ADGRL3: variants seen among roughly 807,000 people sequenced by gnomAD.
ADGRL3 encodes the protein adhesion G protein-coupled receptor L3.
ADGRL3 carries 62 observed loss-of-function variants against 153.5 expected under a neutral mutation model. The observed-to-expected ratio is 0.40, with a 90% CI of 0.33 to 0.50. The LOEUF (loss-of-function observed/expected upper bound fraction) is 0.50. Among genes scored for constraint, ADGRL3 ranks in the 20% least tolerant of loss-of-function variants. The probability of loss-of-function intolerance (pLI) is 0.47; values close to 1 mark genes in which losing one functional copy is unlikely to be tolerated. For missense variants in ADGRL3, 1,641 were observed against 1,859.4 expected (o/e 0.88, Z 2.16); for synonymous variants, 710 against 672.5 (o/e 1.06, Z -0.86).
chr4:61,464,845 A>G (rs2097860926), intron 2 of ADGRL3, among the ~76,000 whole-genome samples: 1 of 152,204 alleles, frequency 6.6e-6, no homozygotes, highest in East Asian at 1.9e-4. Context: ...GCCTCTTCTC[A>G]GTCAATGGGT....
chr4:61,269,238 TTC>T (rs1276832389), intron 1 of ADGRL3, among the ~76,000 whole-genome samples: 1 of 151,706 alleles, frequency 6.6e-6, no homozygotes, highest in Non-Finnish European at 1.5e-5. Flanking sequence ...GACATTCTTT[TTC>T]TCTCTTTTTA....
chr4:62,044,055 A>G (rs1729773470), intron 24 of ADGRL3, among the ~76,000 whole-genome samples: 1 of 152,056 alleles, frequency 6.6e-6, no homozygotes, highest in Admixed American at 6.6e-5. Flanking sequence ...TGGCAATTTA[A>G]TGCATAGTTA....
At chr4:61,288,337 A>G (rs1475416185) in intron 1 of ADGRL3, among the ~76,000 whole-genome samples, 2 of 151,548 alleles carry the variant, frequency 1.3e-5, no homozygotes, top group Non-Finnish European at 2.9e-5. Flanking sequence ...TATTACTTCC[A>G]AAGTGGTCCC....
At chr4:61,640,493 T>C (rs2093615849) in intron 5 of ADGRL3, among the ~76,000 whole-genome samples, 1 of 152,202 alleles carries the variant, frequency 6.6e-6, no homozygotes, top group Non-Finnish European at 1.5e-5. Context: ...TTTCCCACTA[T>C]ATGATCTTGT....
chr4:61,406,256 C>T, intron 2 of ADGRL3, among the ~76,000 whole-genome samples: 1 of 151,794 alleles, frequency 6.6e-6, no homozygotes, highest in East Asian at 1.9e-4. Context: ...CAGGCTGAGA[C>T]CCAAGTGCCA....
intron 1 of ADGRL3, among the ~76,000 whole-genome samples, chr4:61,357,150 G>T (rs553451379): frequency 6.6e-6 from 1 of 151,916 alleles, no homozygotes; most frequent in Non-Finnish European, 1.5e-5. Flanking sequence ...ATGAACCATA[G>T]CCTTACTTTT....
At chr4:61,725,371 G>T (rs2096311347) in intron 6 of ADGRL3, among the ~76,000 whole-genome samples, 1 of 151,962 alleles carries the variant, frequency 6.6e-6, no homozygotes, top group Non-Finnish European at 1.5e-5. Context: ...CCAGCACTTT[G>T]GGAGGCTGAG....
At chr4:61,821,353 ATTTG>A (rs1247157319) in intron 9 of ADGRL3, among the ~76,000 whole-genome samples, 43 of 122,658 alleles carry the variant, frequency 3.5e-4, no homozygotes, top group Admixed American at 6.0e-4. Flanking sequence ...TTATTTATTT[ATTTG>A]TTTATTTATT....
intron 1 of ADGRL3, among the ~76,000 whole-genome samples, chr4:61,314,633 C>G (rs1183490058): frequency 6.6e-6 from 1 of 152,194 alleles, no homozygotes; most frequent in Admixed American, 6.5e-5. Context: ...AACACAGTTG[C>G]AGTTGATTCT....
At chr4:61,227,036 A>ATCATG in intron 1 of ADGRL3, among the ~76,000 whole-genome samples, 1 of 151,496 alleles carries the variant, frequency 6.6e-6, no homozygotes, top group Admixed American at 6.6e-5. Flanking sequence ...TATCTAAATG[A>ATCATG]AATCTTTTTA....
intron 8 of ADGRL3, among the ~76,000 whole-genome samples, chr4:61,766,085 G>T (rs1238181386): frequency 6.6e-6 from 1 of 152,066 alleles, no homozygotes; most frequent in Non-Finnish European, 1.5e-5. Context: ...AGGAAAGAAA[G>T]AAATTTGGGG....
chr4:61,642,773 TC>T (rs2093746296), intron 5 of ADGRL3, among the ~76,000 whole-genome samples: 1 of 152,314 alleles, frequency 6.6e-6, no homozygotes, highest in Non-Finnish European at 1.5e-5. Context: ...CGATGTGGGC[TC>T]TTTTTTGGTT....
intron 8 of ADGRL3, among the ~76,000 whole-genome samples, chr4:61,752,292 T>G (rs1031876396): frequency 1.3e-5 from 2 of 152,134 alleles, no homozygotes; most frequent in Non-Finnish European, 2.9e-5. Context: ...GTGATTAAAC[T>G]TCAGTGCTTT....
At chr4:61,752,276 C>T (rs997762732) in intron 8 of ADGRL3, among the ~76,000 whole-genome samples, 1 of 152,046 alleles carries the variant, frequency 6.6e-6, no homozygotes, top group East Asian at 1.9e-4. Flanking sequence ...AATAAAGACC[C>T]CCAAAGTGAT....
At chr4:61,888,002 AAAATT>A (rs1302704949) in intron 9 of ADGRL3, among the ~76,000 whole-genome samples, 1 of 152,200 alleles carries the variant, frequency 6.6e-6, no homozygotes, top group Non-Finnish European at 1.5e-5. Flanking sequence ...CTGAAGGAAA[AAAATT>A]AAACAAATCA....
chr4:61,313,474 T>C (rs1292013522), intron 1 of ADGRL3, among the ~76,000 whole-genome samples: 1 of 152,176 alleles, frequency 6.6e-6, no homozygotes, highest in Non-Finnish European at 1.5e-5. Flanking sequence ...GGGAACTTTG[T>C]GTGTGCCCAT....
intron 8 of ADGRL3, among the ~76,000 whole-genome samples, chr4:61,810,022 G>A (rs558795228): frequency 6.6e-6 from 1 of 152,138 alleles, no homozygotes; most frequent in African/African-American, 2.4e-5. Flanking sequence ...ACTAATAAAT[G>A]GCAAAATCTG....
chr4:61,423,873 A>G (rs2097242429), intron 2 of ADGRL3, among the ~76,000 whole-genome samples: 1 of 152,218 alleles, frequency 6.6e-6, no homozygotes, highest in African/African-American at 2.4e-5. Context: ...AGGAGCACAG[A>G]GTAAAAACAT....
At chr4:61,980,270 T>G (rs531171989) in intron 18 of ADGRL3, among the ~76,000 whole-genome samples, 11 of 147,252 alleles carry the variant, frequency 7.5e-5, no homozygotes, top group African/African-American at 2.7e-4. Context: ...TTCCTCTGTT[T>G]ATCCCCCCTT....
Sources: gnomAD v4.1 joint callset for allele counts (sites outside exome capture counted in the v4.1 genomes callset) on GRCh38, gnomAD v4.1.1 for gene constraint, MANE v1.5 for transcripts, NCBI Gene and HGNC (gene_info 2026-07-23, HGNC 2026-07-21) for gene names.